Variants in ALK observed in about 807,000 individuals in gnomAD.
ALK encodes ALK tyrosine kinase receptor.
Under a neutral mutation model 163.1 loss-of-function variants are expected in ALK, and 74 were observed. The observed-to-expected ratio is 0.45, with a 90% confidence interval of 0.38 to 0.55. ALK has a LOEUF of 0.55. Ranked by LOEUF, ALK falls within the 20% of genes least tolerant of loss-of-function variation. The pLI is 0.00. For missense variants in ALK, 2,063 were observed against 2,105.3 expected (o/e 0.98, Z 0.39); for synonymous variants, 960 against 843.2 (o/e 1.14, Z -2.40).
intron 9 of ALK, among the ~76,000 whole-genome samples, chr2:29,296,316 T>C (rs950983110): frequency 6.6e-6 from 1 of 152,220 alleles, no homozygotes; most frequent in African/African-American, 2.4e-5. Flanking sequence ...CCTCAGGACC[T>C]GACTCAACAG....
intron 3 of ALK, among the ~76,000 whole-genome samples, chr2:29,650,381 G>A (rs938782524): frequency 4.6e-5 from 7 of 152,100 alleles, no homozygotes; most frequent in Non-Finnish European, 2.9e-5. Context: ...CAAGAAATGG[G>A]ATTAAAAAAC....
At chr2:29,229,159 G>T in intron 15 of ALK, 93 bp from the exon 16 acceptor site, 1 of 1,195,174 alleles carries the variant, frequency 8.4e-7, no homozygotes, top group Non-Finnish European at 1.2e-6. Flanking sequence ...CGCCTTGGAG[G>T]GCGCCCGCAC....
intron 3 of ALK, among the ~76,000 whole-genome samples, chr2:29,686,128 C>T (rs557949308): frequency 3.3e-4 from 51 of 152,244 alleles, no homozygotes; most frequent in African/African-American, 1.2e-3. Flanking sequence ...TTCTAGGGAT[C>T]GGGGCATCTT....
intron 5 of ALK, among the ~76,000 whole-genome samples, chr2:29,373,001 T>A (rs1388005856): frequency 1.3e-5 from 2 of 152,148 alleles, no homozygotes; most frequent in African/African-American, 2.4e-5. Flanking sequence ...ACATTTTTTT[T>A]AAGGAACGAT....
intron 1 of ALK, among the ~76,000 whole-genome samples, chr2:29,843,635 A>C (rs1226220256): frequency 6.6e-6 from 1 of 152,186 alleles, no homozygotes; most frequent in African/African-American, 2.4e-5. Flanking sequence ...AACCCTGGCC[A>C]ACAGCTTTGC....
At chr2:29,499,265 C>T (rs986446101) in intron 4 of ALK, among the ~76,000 whole-genome samples, 6 of 151,882 alleles carry the variant, frequency 4.0e-5, no homozygotes, top group Admixed American at 2.6e-4. Flanking sequence ...GGTGTGGTCT[C>T]GGCTCACTGT....
At chr2:29,360,110 G>A (rs1417150480) in intron 5 of ALK, among the ~76,000 whole-genome samples, 2 of 152,208 alleles carry the variant, frequency 1.3e-5, no homozygotes, top group Non-Finnish European at 2.9e-5. Context: ...AGCCTGAGGT[G>A]TGCACTAAAA....
At chr2:29,258,329 A>G (rs7588612) in intron 11 of ALK, among the ~76,000 whole-genome samples, 1 of 152,208 alleles carries the variant, frequency 6.6e-6, no homozygotes, top group East Asian at 1.9e-4. Flanking sequence ...GCTCTCTTTT[A>G]TCATGTTAGC....
At chr2:29,831,241 A>G (rs764384480) in intron 1 of ALK, among the ~76,000 whole-genome samples, 1,386 of 52,490 alleles carry the variant, frequency 0.026, 154 homozygotes, top group African/African-American at 0.042. Context: ...AAGAGGAAGA[A>G]GAAGAGGAAG....
chr2:29,209,563 A>AT (rs1669407969), intron 25 of ALK, among the ~76,000 whole-genome samples: 1 of 145,844 alleles, frequency 6.9e-6, no homozygotes, highest in Non-Finnish European at 1.5e-5. Flanking sequence ...AAAAAAAAAA[A>AT]GCTTGGTGTC....
chr2:29,762,442 G>A (rs772048479), intron 1 of ALK, among the ~76,000 whole-genome samples: 12 of 152,154 alleles, frequency 7.9e-5, no homozygotes, highest in East Asian at 1.9e-4. Context: ...TAATAGCTGC[G>A]CAGAGGGTTG....
intron 3 of ALK, among the ~76,000 whole-genome samples, chr2:29,562,015 G>C (rs923290083): frequency 2.6e-5 from 4 of 152,306 alleles, no homozygotes; most frequent in African/African-American, 9.6e-5. Flanking sequence ...GATTAATAGA[G>C]AGAGGAGGAT....
At chr2:29,767,014 T>C (rs571001474) in intron 1 of ALK, among the ~76,000 whole-genome samples, 1 of 152,300 alleles carries the variant, frequency 6.6e-6, no homozygotes, top group East Asian at 1.9e-4. Flanking sequence ...GAGTTGACTT[T>C]CTTAACTCCA....
intron 9 of ALK, among the ~76,000 whole-genome samples, chr2:29,288,951 C>CAAAA (rs770578645): frequency 0.019 from 448 of 24,160 alleles, 54 homozygotes; most frequent in Admixed American, 0.11. Flanking sequence ...GACTCCTTCT[C>CAAAA]AAAAAAATAA....
At chr2:29,710,866 G>A (rs1679075679) in intron 2 of ALK, among the ~76,000 whole-genome samples, 1 of 152,082 alleles carries the variant, frequency 6.6e-6, no homozygotes, top group African/African-American at 2.4e-5. Flanking sequence ...TCAAAGCCAA[G>A]ACCTGGGTTT....
rs1257944196 is a variant in ALK at position 29,220,855 on chromosome 2, G to A, written c.3516-20C>T. On this transcript the variant is annotated intron_variant, in intron 22 of 28. Coordinates refer to ENST00000389048, the MANE Select transcript of ALK (RefSeq NM_004304.5). ...AATTTGCTGCAGAGCAGAGAGGGATGTAACCAAAATTAACTGAGCTGAGTC... is the reference window on the plus strand; with the variant it reads ...AATTTGCTGCAGAGCAGAGAGGGATATAACCAAAATTAACTGAGCTGAGTC... The A allele has an allele frequency of 6.2e-7, 1 of 1,613,670 alleles. No individual in the cohort carries two copies. Among genetic ancestry groups the A allele is most frequent in the Admixed American group, 1.7e-5 (1 of 59,998 alleles).
At chr2:29,385,091 C>T (rs1423017192) in intron 4 of ALK, among the ~76,000 whole-genome samples, 3 of 149,418 alleles carry the variant, frequency 2.0e-5, no homozygotes, top group Non-Finnish European at 3.0e-5. Flanking sequence ...CTTATTTATA[C>T]ATCTATGAAA....
rs144304022 is a variant in ALK, at chr2:29,334,530, G to A, written c.1283-6049C>T. 3.9e-5 allele frequency among the ~76,000 whole-genome samples: 6 copies of A among 152,318 alleles called. No homozygotes were observed. The South Asian group carries it at 1.0e-3, about 26-fold the overall frequency. ...TGGTAATGGTGGGCATGGAAGGTCAGGCTGTCAGCATCCCTGCCCTTCACC... is the reference window on the plus strand; with the variant it reads ...TGGTAATGGTGGGCATGGAAGGTCAAGCTGTCAGCATCCCTGCCCTTCACC... On this transcript the variant is annotated intron_variant, in intron 5 of 28. Transcript: ENST00000389048.
intron 26 of ALK, among the ~76,000 whole-genome samples, chr2:29,200,855 G>A (rs1194252440): frequency 2.1e-5 from 3 of 144,698 alleles, no homozygotes; most frequent in African/African-American, 7.5e-5. Context: ...ATATAGATAC[G>A]TATATATATG....
Sources: allele counts gnomAD v4.1 joint callset (sites outside exome capture counted in the v4.1 genomes callset), GRCh38; gene constraint gnomAD v4.1.1; transcripts MANE v1.5; gene names NCBI Gene and HGNC (gene_info 2026-07-23, HGNC 2026-07-21).